EDA: variants seen among roughly 807,000 people sequenced by gnomAD.
EDA encodes ectodysplasin-A.
A neutral mutation model predicts 23.6 loss-of-function variants in EDA; 2 were observed. That is an observed-to-expected ratio of 0.08 (90% CI 0.03 to 0.27). The LOEUF (loss-of-function observed/expected upper bound fraction) is 0.27. Ranked by LOEUF, EDA falls within the 10% of genes least tolerant of loss-of-function variation. The pLI is 1.00. For synonymous variants in EDA, 131 were observed against 132.0 expected, an observed-to-expected ratio of 0.99 and a Z score of 0.05; for missense variants, 229 against 324.2, an observed-to-expected ratio of 0.71 and a Z score of 2.26.
intron 1 of EDA, among the ~76,000 whole-genome samples, chrX:69,735,255 C>T (rs988299305): frequency 8.0e-4 from 75 of 93,599 alleles, no homozygotes; most frequent in African/African-American, 2.6e-3. Context: ...TGTATATACA[C>T]ATACAAATGG....
In EDA at chrX:69,745,877, A is replaced by T. The variant is rs2013603361; in HGVS notation, c.396+129173A>T. On this transcript the variant is annotated intron_variant, in intron 1 of 7. Transcript: ENST00000374552. Reference sequence around the variant, plus strand: ...GTAGTGGGCACCTGTAATCCCAGCTACTCAAGAGGCTGAGGCAGGAGAATC... The same window carrying T: ...GTAGTGGGCACCTGTAATCCCAGCTTCTCAAGAGGCTGAGGCAGGAGAATC... Among the ~76,000 whole-genome samples the T allele has an allele frequency of 2.7e-5, 3 of 111,229 alleles. No homozygotes were observed. The Admixed American group carries it at 2.9e-4, about 11-fold the overall frequency.
chrX:69,904,412 A>G (rs962289727), intron 1 of EDA, among the ~76,000 whole-genome samples: 2 of 109,427 alleles, frequency 1.8e-5, no homozygotes, highest in African/African-American at 6.7e-5. Flanking sequence ...GTGCAGTGGC[A>G]CATTCATGGC....
At chrX:69,727,928 C>T (rs2012867336) in intron 1 of EDA, among the ~76,000 whole-genome samples, 1 of 111,378 alleles carries the variant, frequency 9.0e-6, no homozygotes, top group African/African-American at 3.3e-5. Flanking sequence ...GTGCCAGGCC[C>T]TGTGCTAAAT....
At chrX:69,677,249 T>C (rs1216449408) in intron 1 of EDA, among the ~76,000 whole-genome samples, 1 of 106,992 alleles carries the variant, frequency 9.3e-6, no homozygotes, top group East Asian at 3.0e-4. Context: ...TTGGATTGGT[T>C]CCAAGTCTTT....
chrX:69,854,649 T>C (rs1265734159), intron 1 of EDA, among the ~76,000 whole-genome samples: 1 of 112,565 alleles, frequency 8.9e-6, no homozygotes, highest in African/African-American at 3.2e-5. Flanking sequence ...TCATTCTTTT[T>C]ATGGCTGCAA....
intron 1 of EDA, among the ~76,000 whole-genome samples, chrX:69,847,684 G>T (rs1569353878): frequency 9.1e-6 from 1 of 109,694 alleles, no homozygotes; most frequent in East Asian, 2.8e-4. Context: ...TGTACCACAG[G>T]TTTTTTTTTA....
chrX:69,779,837 A>G (rs1378711003), intron 1 of EDA, among the ~76,000 whole-genome samples: 1 of 111,556 alleles, frequency 9.0e-6, no homozygotes, highest in East Asian at 2.8e-4. Context: ...AATACTGTAC[A>G]TCTTCTATCT....
At chrX:69,639,136 A>G (rs1932811652) in intron 1 of EDA, among the ~76,000 whole-genome samples, 1 of 111,539 alleles carries the variant, frequency 9.0e-6, no homozygotes, top group Non-Finnish European at 1.9e-5. Flanking sequence ...CATTGTATGT[A>G]TATACCACAT....
intron 1 of EDA, among the ~76,000 whole-genome samples, chrX:69,781,123 C>T (rs1335931292): frequency 9.0e-6 from 1 of 111,400 alleles, no homozygotes; most frequent in Non-Finnish European, 1.9e-5. Flanking sequence ...GAAAATACAA[C>T]ATTTTATTTA....
At chrX:69,828,988 TC>T (rs2016539105) in intron 1 of EDA, among the ~76,000 whole-genome samples, 1 of 112,472 alleles carries the variant, frequency 8.9e-6, no homozygotes, top group African/African-American at 3.2e-5. Flanking sequence ...AGAAAGGGAT[TC>T]CCTGACCATT....
chrX:69,726,759 G>A (rs1289574005), intron 1 of EDA, among the ~76,000 whole-genome samples: 1 of 112,311 alleles, frequency 8.9e-6, no homozygotes, highest in African/African-American at 3.2e-5. Context: ...TGCAGGACTT[G>A]TGATGGGTGT....
chrX:69,628,820 T>C (rs1024870222), intron 1 of EDA, among the ~76,000 whole-genome samples: 1 of 111,254 alleles, frequency 9.0e-6, no homozygotes, highest in Non-Finnish European at 1.9e-5. Flanking sequence ...GTCTCTTGCA[T>C]GACTCCCTTT....
chrX:70,021,232 A>G (rs545030696), intron 2 of EDA, among the ~76,000 whole-genome samples: 64 of 111,800 alleles, frequency 5.7e-4, no homozygotes, highest in Admixed American at 1.3e-3. Flanking sequence ...CCTTCCATAC[A>G]CATACTCTGT....
intron 1 of EDA, among the ~76,000 whole-genome samples, chrX:69,645,749 G>T (rs1932915318): frequency 9.4e-6 from 1 of 106,567 alleles, no homozygotes; most frequent in Admixed American, 1.0e-4. Context: ...TGATGTAAAT[G>T]ACGAGTTCTC....
intron 1 of EDA, among the ~76,000 whole-genome samples, chrX:69,719,440 TG>T (rs1279175179): frequency 9.0e-6 from 1 of 111,010 alleles, no homozygotes; most frequent in Non-Finnish European, 1.9e-5. Context: ...TTAGTGTACC[TG>T]TCACCTGAAT....
chrX:69,754,320 A>G (rs1269328384), intron 1 of EDA, among the ~76,000 whole-genome samples: 1 of 111,524 alleles, frequency 9.0e-6, no homozygotes, highest in Non-Finnish European at 1.9e-5. Context: ...CTCCTTCACT[A>G]TGAAGCTTAG....
chrX:69,629,570 C>T (rs1305581540), intron 1 of EDA, among the ~76,000 whole-genome samples: 1 of 111,586 alleles, frequency 9.0e-6, no homozygotes, highest in African/African-American at 3.3e-5. Context: ...TAGTTGTACA[C>T]ATTGATTGTG....
intron 1 of EDA, among the ~76,000 whole-genome samples, chrX:69,682,747 G>T (rs902393089): frequency 9.0e-6 from 1 of 111,115 alleles, no homozygotes; most frequent in African/African-American, 3.3e-5. Context: ...GATGAACCCG[G>T]TATGTCAGAT....
At chrX:69,958,482 A>C (rs1277952271) in intron 2 of EDA, among the ~76,000 whole-genome samples, 1 of 102,697 alleles carries the variant, frequency 9.7e-6, no homozygotes, top group Non-Finnish European at 2.0e-5. Context: ...CTGAAATCTG[A>C]GAAAGAGCTC....
Sources: gnomAD v4.1 joint callset for allele counts (sites outside exome capture counted in the v4.1 genomes callset) on GRCh38, gnomAD v4.1.1 for gene constraint, MANE v1.5 for transcripts, NCBI Gene and HGNC (gene_info 2026-07-23, HGNC 2026-07-21) for gene names.